The following ABL2 variants were observed in gnomAD, a reference collection of about 807,000 sequenced individuals.
ABL2 encodes tyrosine-protein kinase ABL2.
A neutral mutation model predicts 107.7 loss-of-function variants in ABL2; 49 were observed. The observed-to-expected ratio is 0.45, with a 90% CI of 0.36 to 0.58. The LOEUF is 0.58. Among genes scored for constraint, ABL2 ranks in the 20% least tolerant of loss-of-function variants. The pLI is 0.00. For synonymous variants in ABL2, 549 were observed against 548.6 expected (o/e 1.00, Z -0.01); for missense variants, 1,245 against 1,457.0 (o/e 0.85, Z 2.37).
rs1653555585 is a variant in ABL2, at chr1:179,107,612, A to G, written c.*106T>C. 6.6e-7 allele frequency: 1 copy of G among 1,509,188 alleles called. No homozygotes were observed. The highest frequency in any genetic ancestry group is 1.4e-5 in the South Asian group (1 of 73,246). The allele number at this position is 1,509,188 out of a possible 1,614,324, so 93.5% of individuals were successfully genotyped here. On this transcript the variant is annotated 3_prime_UTR_variant, in exon 12 of 12. Transcript: ENST00000502732. ...GATCTGAGGTACTTCACATAAACACACTCAAGTATGAGTCTTTCATTTTCT... is the reference window on the plus strand; with the variant it reads ...GATCTGAGGTACTTCACATAAACACGCTCAAGTATGAGTCTTTCATTTTCT...
At chr1:179,145,692 ACT>A (rs1018933488) in intron 1 of ABL2, among the ~76,000 whole-genome samples, 26 of 152,022 alleles carry the variant, frequency 1.7e-4, no homozygotes, top group African/African-American at 6.0e-4. Flanking sequence ...CAATGCAAAA[ACT>A]CTGAGGTAGG....
intron 4 of ABL2, among the ~76,000 whole-genome samples, chr1:179,124,163 C>T (rs1454768182): frequency 1.3e-5 from 2 of 151,634 alleles, no homozygotes; most frequent in Admixed American, 1.3e-4. Flanking sequence ...ACGGCGTGAA[C>T]CTGGGAGGCG....
chr1:179,120,677 C>A (rs995560608), intron 5 of ABL2, among the ~76,000 whole-genome samples: 2 of 152,124 alleles, frequency 1.3e-5, no homozygotes, highest in South Asian at 4.1e-4. Context: ...CCTGAGCTCC[C>A]CAAATTGCTG....
intron 1 of ABL2, among the ~76,000 whole-genome samples, chr1:179,183,081 C>G (rs896525230): frequency 1.3e-5 from 2 of 151,928 alleles, no homozygotes; most frequent in Non-Finnish European, 2.9e-5. Flanking sequence ...GTGGCAAGAT[C>G]ACGGCTCACT....
At chr1:179,192,382 C>A (rs189736811) in intron 1 of ABL2, among the ~76,000 whole-genome samples, 7 of 152,334 alleles carry the variant, frequency 4.6e-5, no homozygotes, top group Admixed American at 1.3e-4. Flanking sequence ...TCCACCAACA[C>A]TGTTATCTCC....
intron 1 of ABL2, among the ~76,000 whole-genome samples, chr1:179,210,619 G>A (rs1054760403): frequency 1.1e-4 from 16 of 151,722 alleles, no homozygotes; most frequent in Non-Finnish European, 1.9e-4. Context: ...CTTTGAGGCC[G>A]AGGTGGGCGC....
At chr1:179,143,474 G>T (rs934483791) in intron 1 of ABL2, among the ~76,000 whole-genome samples, 5 of 152,136 alleles carry the variant, frequency 3.3e-5, no homozygotes, top group Non-Finnish European at 7.4e-5. Context: ...TTAAAAGAAA[G>T]GAAACGCCTA....
intron 1 of ABL2, among the ~76,000 whole-genome samples, chr1:179,136,253 T>A (rs1234616616): frequency 1.3e-5 from 2 of 151,576 alleles, no homozygotes; most frequent in Non-Finnish European, 1.5e-5. Flanking sequence ...CAATGGCGGT[T>A]TTGTGGAATA....
intron 1 of ABL2, among the ~76,000 whole-genome samples, chr1:179,188,434 C>A (rs1231304591): frequency 6.6e-6 from 1 of 152,056 alleles, no homozygotes; most frequent in Non-Finnish European, 1.5e-5. Context: ...GTCATCCCAG[C>A]TACTCAGGGG....
At chr1:179,214,067 C>A (rs188533035) in intron 1 of ABL2, among the ~76,000 whole-genome samples, 1 of 152,228 alleles carries the variant, frequency 6.6e-6, no homozygotes, top group East Asian at 1.9e-4. Flanking sequence ...AAAATCAAGG[C>A]TTCCTATACA....
At chr1:179,189,428 C>T (rs1571281386) in intron 1 of ABL2, among the ~76,000 whole-genome samples, 1 of 152,160 alleles carries the variant, frequency 6.6e-6, no homozygotes, top group African/African-American at 2.4e-5. Context: ...GCCACCGCGC[C>T]CTGCCCTGTT....
At chr1:179,211,724 G>T (rs902503483) in intron 1 of ABL2, among the ~76,000 whole-genome samples, 3 of 151,334 alleles carry the variant, frequency 2.0e-5, no homozygotes, top group African/African-American at 7.3e-5. Context: ...CTGCGAACCC[G>T]GGTGATGGAG....
rs1245980675 is a variant in ABL2, at chr1:179,142,532, T to C, written c.158-9158A>G. 2.0e-5 allele frequency among the ~76,000 whole-genome samples: 3 copies of C among 152,212 alleles called. No homozygotes were observed. In the East Asian group the frequency reaches 5.8e-4, roughly 29 times the overall value. ...TAATAGGAGAAATTAATATTACAAA[T>C]TTTTAGTTTAGGCATTTTCAAGTAT... is the stretch of plus-strand genomic sequence containing the variant. On this transcript the variant is annotated intron_variant, in intron 1 of 11. Coordinates refer to ENST00000502732, the MANE Select transcript of ABL2 (RefSeq NM_007314.4).
At chr1:179,227,868 T>TAG (rs1663307089) in intron 1 of ABL2, among the ~76,000 whole-genome samples, 1 of 150,640 alleles carries the variant, frequency 6.6e-6, no homozygotes, top group African/African-American at 2.4e-5. Flanking sequence ...CTGGCCAACA[T>TAG]AGAGAAACCC....
chr1:179,108,324 CTT>C lies in ABL2; in HGVS notation c.2941_2942del (p.Lys981ValfsTer85). 1 of 1,614,206 alleles carries C rather than the reference CTT, an allele frequency of 6.2e-7. No homozygotes were observed. The highest frequency in any genetic ancestry group is 8.5e-7 in the Non-Finnish European group (1 of 1,180,040). On this transcript the variant is annotated frameshift_variant, in exon 12 of 12. Coordinates refer to ENST00000502732, the MANE Select transcript of ABL2 (RefSeq NM_007314.4). LOFTEE classifies it high-confidence loss of function. Reference sequence around the variant, plus strand: ...TCACTGGTGGTGGGGGTGGGGCACACTTTGGTTTTACCCGTCGGGGTCGGTCC... The same window carrying C: ...TCACTGGTGGTGGGGGTGGGGCACACTGGTTTTACCCGTCGGGGTCGGTCC... ...DKDRPRRVKP[K>X]CAPPPPPVMR...
chr1:179,195,999 A>G (rs1661288408), intron 1 of ABL2, among the ~76,000 whole-genome samples: 1 of 152,226 alleles, frequency 6.6e-6, no homozygotes, highest in Non-Finnish European at 1.5e-5. Flanking sequence ...GGATGGTTAC[A>G]CAACAGTATG....
At position 179,100,369 on chromosome 1, in the gene ABL2, T is replaced by C. The variant is rs1013189062; in HGVS notation, c.*7349A>G. On this transcript the variant is annotated 3_prime_UTR_variant, in exon 12 of 12. Coordinates refer to ENST00000502732, the MANE Select transcript of ABL2 (RefSeq NM_007314.4). ...GCAGAACAGTATCTGAGGTTTACTGTTGATGACACTAAAGCGTTCCCAGTC... is the reference window on the plus strand; with the variant it reads ...GCAGAACAGTATCTGAGGTTTACTGCTGATGACACTAAAGCGTTCCCAGTC... The C allele has an allele frequency of 8.8e-6, 2 of 227,350 alleles. No individual in the cohort carries two copies. The highest frequency in any genetic ancestry group is 1.7e-5 in the Non-Finnish European group (2 of 114,442). The allele number at this position is 227,350 out of a possible 1,614,324, so 14.1% of individuals were successfully genotyped here. A position where few individuals can be genotyped will look rare whatever the true frequency, so the allele number is the denominator to read the frequency against.
At chr1:179,210,635 G>A (rs1363054629) in intron 1 of ABL2, among the ~76,000 whole-genome samples, 2 of 151,328 alleles carry the variant, frequency 1.3e-5, no homozygotes, top group African/African-American at 4.9e-5. Flanking sequence ...GGCGCATCAC[G>A]AGGTCAGAGA....
chr1:179,140,295 G>C (rs1317035197), intron 1 of ABL2, among the ~76,000 whole-genome samples: 2 of 151,976 alleles, frequency 1.3e-5, no homozygotes, highest in Non-Finnish European at 2.9e-5. Flanking sequence ...TTTTCCTTTT[G>C]CCTAAAACAC....
Sources: allele counts gnomAD v4.1 joint callset (sites outside exome capture counted in the v4.1 genomes callset), GRCh38; gene constraint gnomAD v4.1.1; transcripts MANE v1.5; gene names NCBI Gene and HGNC (gene_info 2026-07-23, HGNC 2026-07-21).